BCL2L13: variants seen among roughly 807,000 people sequenced by gnomAD.
BCL2L13 encodes the protein BCL2 like 13.
Under a neutral mutation model 25.8 loss-of-function variants are expected in BCL2L13, and 13 were observed. The ratio of observed to expected loss-of-function variants is 0.50; its 90% CI spans 0.33 to 0.80. The LOEUF is 0.80. Ranked by LOEUF, BCL2L13 falls within the 30% of genes least tolerant of loss-of-function variation. The probability of loss-of-function intolerance (pLI) is 0.02; values close to 1 mark genes in which losing one functional copy is unlikely to be tolerated. For missense variants in BCL2L13, 504 were observed against 574.9 expected, an observed-to-expected ratio of 0.88 and a Z score of 1.26; for synonymous variants, 244 against 230.3, an observed-to-expected ratio of 1.06 and a Z score of -0.54.
chr22:17,715,660 A>G (rs1301979595), intron 6 of BCL2L13, among the ~76,000 whole-genome samples: 3 of 152,210 alleles, frequency 2.0e-5, no homozygotes, highest in Non-Finnish European at 4.4e-5. Context: ...TATTTCCTGT[A>G]TGTTTTATAG....
chr22:17,631,674 A>G (rs28498745), intron 1 of BCL2L13, among the ~76,000 whole-genome samples: 47 of 14,394 alleles, frequency 3.3e-3, no homozygotes, highest in South Asian at 0.018. Flanking sequence ...GTGTGTGTAT[A>G]TATATATATA....
chr22:17,701,365 T>G (rs1298110322), intron 5 of BCL2L13, among the ~76,000 whole-genome samples: 2 of 152,204 alleles, frequency 1.3e-5, no homozygotes, highest in African/African-American at 4.8e-5. Context: ...GTCACCTAGT[T>G]CCCTTCCTTT....
intron 2 of BCL2L13, among the ~76,000 whole-genome samples, chr22:17,663,256 G>A (rs1484482292): frequency 6.6e-6 from 1 of 152,190 alleles, no homozygotes; most frequent in South Asian, 2.1e-4. Context: ...TTAAGAGTGA[G>A]TAGTAGTAAG....
Position 17,721,525 on chromosome 22 carries a change from A to ATT in BCL2L13, c.601-5135_601-5134dup, listed in dbSNP as rs3044620. Among the ~76,000 whole-genome samples, 899 of 122,758 alleles carry ATT rather than the reference A, an allele frequency of 7.3e-3. 42 individuals are homozygous for ATT. Among genetic ancestry groups the ATT allele is most frequent in the African/African-American group, 0.012 (367 of 31,210 alleles). The allele number at this position is 122,758 out of a possible 152,430, so 80.5% of individuals were successfully genotyped here. On this transcript the variant is annotated intron_variant, in intron 6 of 6. Transcript: ENST00000317582. ...TTTTAAGTCATGACACTTATAAGAA[A>ATT]TTTTTTTTTTTTTTTTTTGAGACGT...
In BCL2L13 at chr22:17,726,751, C is replaced by T. The variant is rs771335464; in HGVS notation, c.675C>T (p.Tyr225=). The change falls in exon 7 of 7, where the codon TAC becomes TAT. Residue 225 remains tyrosine (Y), a synonymous_variant. Transcript: ENST00000317582. ...GITAEDSNDI[Y]ILPSDNSGQV... The stretch of plus-strand genomic sequence containing the variant: ...CTGCAGAAGATAGCAATGACATTTA[C>T]ATCCTGCCCAGCGACAACTCTGGAC... The T allele has an allele frequency of 5.0e-6, 8 of 1,614,080 alleles. No homozygotes were observed. The African/African-American group carries it at 9.3e-5, about 19-fold the overall frequency.
At chr22:17,719,994 T>A (rs543664602) in intron 6 of BCL2L13, among the ~76,000 whole-genome samples, 1 of 152,136 alleles carries the variant, frequency 6.6e-6, no homozygotes, top group African/African-American at 2.4e-5. Flanking sequence ...GAACGTAGAT[T>A]AGTGATTGCC....
At chr22:17,679,264 C>CTTTTTTTTTTTTTTTTT (rs3044588) in intron 2 of BCL2L13, among the ~76,000 whole-genome samples, 2 of 76,134 alleles carry the variant, frequency 2.6e-5, no homozygotes, top group Non-Finnish European at 4.8e-5. Flanking sequence ...TGGTTTGGCT[C>CTTTTTTTTTTTTTTTTT]TTTTTTTTTT....
chr22:17,683,389 T>G (rs2059813357), intron 3 of BCL2L13, 68 bp downstream of exon 3: 1 of 958,606 alleles, frequency 1.0e-6, no homozygotes, highest in African/African-American at 1.7e-5. Context: ...GTTGGTTTAA[T>G]TTGATTTTTA....
intron 5 of BCL2L13, among the ~76,000 whole-genome samples, chr22:17,700,999 T>G (rs1429972103): frequency 1.3e-5 from 2 of 152,200 alleles, no homozygotes; most frequent in African/African-American, 4.8e-5. Context: ...TCATTTCCTT[T>G]TGCATTCCTT....
chr22:17,684,580 T>C (rs1197371053), intron 3 of BCL2L13: 2 of 454,106 alleles, frequency 4.4e-6, no homozygotes, highest in Middle Eastern at 6.9e-4. Context: ...GGTGGTGTTT[T>C]GAGATGCAGT....
At chr22:17,643,520 A>G (rs919631275) in intron 1 of BCL2L13, among the ~76,000 whole-genome samples, 2 of 152,208 alleles carry the variant, frequency 1.3e-5, no homozygotes, top group Admixed American at 1.3e-4. Context: ...TAACTTGTGG[A>G]ACTTAAAAAA....
At chr22:17,637,619 C>T (rs1394136827), upstream of BCL2L13, among the ~76,000 whole-genome samples, 2 of 151,862 alleles carry the variant, frequency 1.3e-5, no homozygotes, top group East Asian at 2.0e-4. Flanking sequence ...CTCAAGTGAT[C>T]CGCCCACCTT....
At chr22:17,686,727 T>C (rs960865673) in intron 3 of BCL2L13, among the ~76,000 whole-genome samples, 1 of 152,046 alleles carries the variant, frequency 6.6e-6, no homozygotes, top group Non-Finnish European at 1.5e-5. Context: ...GTCAGGCTGG[T>C]CTCGATCTCC....
chr22:17,672,151 T>A (rs2059438022), intron 2 of BCL2L13, among the ~76,000 whole-genome samples: 1 of 152,244 alleles, frequency 6.6e-6, no homozygotes, highest in Admixed American at 6.5e-5. Flanking sequence ...TTGGACTGCC[T>A]AGAGTGTTAT....
At chr22:17,666,868 A>G (rs997229152) in intron 2 of BCL2L13, among the ~76,000 whole-genome samples, 10 of 151,766 alleles carry the variant, frequency 6.6e-5, no homozygotes, top group African/African-American at 2.4e-4. Flanking sequence ...TTGTATATTT[A>G]GTAGAGACGG....
chr22:17,629,207 A>G (rs1601408066), intron 1 of BCL2L13, among the ~76,000 whole-genome samples: 1 of 148,834 alleles, frequency 6.7e-6, no homozygotes, highest in African/African-American at 2.5e-5. Flanking sequence ...CTACCAAAAG[A>G]AAAAAAAAAG....
At chr22:17,642,081 G>A (rs1181619903) in intron 1 of BCL2L13, among the ~76,000 whole-genome samples, 1 of 148,862 alleles carries the variant, frequency 6.7e-6, no homozygotes, top group Non-Finnish European at 1.5e-5. Context: ...TTACAGGTGT[G>A]TGCCACCGCG....
At chr22:17,686,928 CAA>C (rs1456016160) in intron 3 of BCL2L13, among the ~76,000 whole-genome samples, 1 of 152,104 alleles carries the variant, frequency 6.6e-6, no homozygotes, top group Non-Finnish European at 1.5e-5. Context: ...AAGAGAGTAA[CAA>C]AAGGTTTAAA....
chr22:17,680,700 G>A (rs80101157), intron 2 of BCL2L13, among the ~76,000 whole-genome samples: 143 of 152,062 alleles, frequency 9.4e-4, no homozygotes, highest in African/African-American at 3.3e-3. Context: ...TGTGTGGGGT[G>A]GAGTGCAGAC....
Sources: allele counts gnomAD v4.1 joint callset (sites outside exome capture counted in the v4.1 genomes callset), GRCh38; gene constraint gnomAD v4.1.1; transcripts MANE v1.5; gene names NCBI Gene and HGNC (gene_info 2026-07-23, HGNC 2026-07-21).